The following KLHL2 variants were observed in gnomAD, a reference collection of about 807,000 sequenced individuals.
KLHL2 encodes kelch-like protein 2.
A neutral mutation model predicts 75.8 loss-of-function variants in KLHL2; 15 were observed. The observed-to-expected ratio is 0.20, with a 90% CI of 0.13 to 0.30. KLHL2 has a LOEUF of 0.30. Ranked by LOEUF, KLHL2 falls within the 10% of genes least tolerant of loss-of-function variation. The probability of loss-of-function intolerance (pLI) is 1.00; values close to 1 mark genes in which losing one functional copy is unlikely to be tolerated. For synonymous variants in KLHL2, 214 were observed against 251.9 expected (o/e 0.85, Z 1.42); for missense variants, 381 against 741.0 (o/e 0.51, Z 5.64).
chr4:165,255,667 C>T (rs1335595731), intron 4 of KLHL2, among the ~76,000 whole-genome samples: 1 of 152,102 alleles, frequency 6.6e-6, no homozygotes, highest in East Asian at 1.9e-4. Flanking sequence ...CTATGTGCAT[C>T]CAACCATGAC....
chr4:165,235,389 T>G (rs1162832038), intron 3 of KLHL2, among the ~76,000 whole-genome samples: 4 of 152,222 alleles, frequency 2.6e-5, no homozygotes, highest in East Asian at 1.9e-4. Context: ...TTAGTAGAGA[T>G]AGGGTTTCGC....
rs962382270 is a variant in KLHL2, at chr4:165,309,199, A to G, written c.1040-1354A>G. 2.0e-5 allele frequency among the ~76,000 whole-genome samples: 3 copies of G among 152,226 alleles called. No homozygotes were observed. In the South Asian group the frequency reaches 6.2e-4, roughly 31 times the overall value. ...AAAGTAATTATATTATAGACGGTAC[A>G]TTTATTAAACCTGAAGTACACAACA... is the stretch of plus-strand genomic sequence containing the variant. On this transcript the variant is annotated intron_variant, in intron 9 of 14. Transcript: ENST00000226725.
intron 3 of KLHL2, among the ~76,000 whole-genome samples, chr4:165,233,099 T>G (rs949353985): frequency 6.6e-6 from 1 of 152,128 alleles, no homozygotes; most frequent in Non-Finnish European, 1.5e-5. Flanking sequence ...TCTCATAAAC[T>G]GTAGGTGAAG....
chr4:165,238,658 G>T (rs1250789003), intron 3 of KLHL2, 120 bp from the exon 4 acceptor site: 11 of 1,531,958 alleles, frequency 7.2e-6, no homozygotes, highest in Non-Finnish European at 7.9e-6. Flanking sequence ...GCAAAAAGTG[G>T]CTGATTATGC....
intron 1 of KLHL2, among the ~76,000 whole-genome samples, chr4:165,215,653 G>A (rs1294346388): frequency 6.6e-6 from 1 of 152,088 alleles, no homozygotes; most frequent in Non-Finnish European, 1.5e-5. Flanking sequence ...AAGTATTTAT[G>A]TCCTAAATGT....
intron 5 of KLHL2, among the ~76,000 whole-genome samples, chr4:165,270,892 G>A (rs559788376): frequency 6.6e-6 from 1 of 152,322 alleles, no homozygotes; most frequent in East Asian, 1.9e-4. Context: ...TGCAGAAGCG[G>A]TCTGCTGCCT....
intron 14 of KLHL2, among the ~76,000 whole-genome samples, chr4:165,320,736 A>G (rs1746911637): frequency 1.3e-5 from 2 of 152,250 alleles, no homozygotes; most frequent in South Asian, 4.1e-4. Flanking sequence ...CCTGCTGGAA[A>G]AAAACTGTGT....
chr4:165,217,698 G>A (rs1337235307), intron 1 of KLHL2, among the ~76,000 whole-genome samples: 1 of 152,142 alleles, frequency 6.6e-6, no homozygotes, highest in Non-Finnish European at 1.5e-5. Flanking sequence ...TAATTTTAGA[G>A]GTTATATTCA....
At chr4:165,288,033 C>T (rs1307541825) in intron 5 of KLHL2, among the ~76,000 whole-genome samples, 1 of 152,084 alleles carries the variant, frequency 6.6e-6, no homozygotes, top group African/African-American at 2.4e-5. Context: ...CATTTGTCTT[C>T]GTTGCCTGAG....
In KLHL2 at chr4:165,215,143, AGT is replaced by A. The variant is rs539760014; in HGVS notation, c.27-4786_27-4785del. On this transcript the variant is annotated intron_variant, in intron 1 of 14. Coordinates refer to ENST00000226725, the MANE Select transcript of KLHL2 (RefSeq NM_007246.4). Reference sequence around the variant, plus strand: ...TTCCAGACATGTGAAGAAAATTTGCAGTGTGTCTCTTTGCCTTAGCTAACTGC... The same window carrying A: ...TTCCAGACATGTGAAGAAAATTTGCAGTGTCTCTTTGCCTTAGCTAACTGC... 3.7e-3 allele frequency among the ~76,000 whole-genome samples: 565 copies of A among 152,314 alleles called. 4 individuals are homozygous for A. Among genetic ancestry groups the A allele is most frequent in the Non-Finnish European group, 5.9e-3 (402 of 68,014 alleles).
chr4:165,312,102 GAGA>G (rs1746248957), intron 11 of KLHL2, among the ~76,000 whole-genome samples: 1 of 152,136 alleles, frequency 6.6e-6, no homozygotes, highest in Non-Finnish European at 1.5e-5. Context: ...ACACTTCTGT[GAGA>G]ATCTAATGCC....
intron 4 of KLHL2, among the ~76,000 whole-genome samples, chr4:165,252,031 G>A (rs1051307365): frequency 6.6e-5 from 10 of 152,172 alleles, no homozygotes; most frequent in Non-Finnish European, 1.0e-4. Context: ...TGTCTCCATG[G>A]CTGAATCATT....
chr4:165,248,471 A>G (rs1740436765), intron 4 of KLHL2, among the ~76,000 whole-genome samples: 1 of 152,168 alleles, frequency 6.6e-6, no homozygotes, highest in African/African-American at 2.4e-5. Flanking sequence ...TTGTGGTTAG[A>G]TAGTCCCAAT....
At chr4:165,230,280 T>A (rs934170497) in intron 3 of KLHL2, among the ~76,000 whole-genome samples, 12 of 152,248 alleles carry the variant, frequency 7.9e-5, no homozygotes, top group Non-Finnish European at 2.9e-5. Flanking sequence ...TTCCTTCAGA[T>A]GACACTGCTG....
At chr4:165,223,551 G>A (rs10031749) in intron 2 of KLHL2, among the ~76,000 whole-genome samples, 3,145 of 152,298 alleles carry the variant, frequency 0.021, 83 homozygotes, top group East Asian at 0.1. Flanking sequence ...ATCCTGGGGA[G>A]TCTGTGCAGA....
At chr4:165,316,785 T>C (rs1399589112) in intron 13 of KLHL2, among the ~76,000 whole-genome samples, 2 of 152,174 alleles carry the variant, frequency 1.3e-5, no homozygotes, top group Non-Finnish European at 2.9e-5. Flanking sequence ...TAAACTGTCA[T>C]ACATAAAAAT....
intron 4 of KLHL2, among the ~76,000 whole-genome samples, chr4:165,248,295 T>C (rs1740423066): frequency 6.6e-6 from 1 of 152,218 alleles, no homozygotes; most frequent in Non-Finnish European, 1.5e-5. Context: ...ATTTAGGTTT[T>C]AAAAAGTTCT....
chr4:165,310,281 C>T (rs1030417576), intron 9 of KLHL2, among the ~76,000 whole-genome samples: 7 of 152,088 alleles, frequency 4.6e-5, no homozygotes, highest in East Asian at 3.9e-4. Context: ...GCTGAGATGG[C>T]GCCACTGCAC....
chr4:165,223,052 A>C (rs1346210293), intron 2 of KLHL2, among the ~76,000 whole-genome samples: 3 of 152,256 alleles, frequency 2.0e-5, no homozygotes, highest in African/African-American at 7.2e-5. Context: ...GAAAAAGTAC[A>C]TGACATTTTA....
Sources: allele counts gnomAD v4.1 joint callset (sites outside exome capture counted in the v4.1 genomes callset), GRCh38; gene constraint gnomAD v4.1.1; transcripts MANE v1.5; gene names NCBI Gene and HGNC (gene_info 2026-07-23, HGNC 2026-07-21).